The following NKAIN1 variants were observed in gnomAD, a reference collection of about 807,000 sequenced individuals.
NKAIN1 encodes the protein sodium/potassium transporting ATPase interacting 1, also known as sodium/potassium-transporting ATPase subunit beta-1-interacting protein 1.
NKAIN1 carries 13 observed loss-of-function variants against 31.6 expected under a neutral mutation model. The observed-to-expected ratio is 0.41, with a 90% CI of 0.27 to 0.65. The LOEUF (loss-of-function observed/expected upper bound fraction) is 0.65, where lower values mean the gene tolerates loss of function less well. Among genes scored for constraint, NKAIN1 ranks in the 30% least tolerant of loss-of-function variants. NKAIN1 has a pLI of 0.30. For missense variants in NKAIN1, 193 were observed against 262.2 expected (o/e 0.74, Z 1.82); for synonymous variants, 104 against 109.0 (o/e 0.95, Z 0.28).
chr1:31,196,310 G>A (rs1376649469), intron 1 of NKAIN1, among the ~76,000 whole-genome samples: 1 of 151,996 alleles, frequency 6.6e-6, no homozygotes, highest in Non-Finnish European at 1.5e-5. Flanking sequence ...TCAGGAGATC[G>A]AGACCATCCT....
At chr1:31,200,929 G>GTTCAAGCAA (rs1402574977) in intron 1 of NKAIN1, among the ~76,000 whole-genome samples, 1 of 151,622 alleles carries the variant, frequency 6.6e-6, no homozygotes, top group East Asian at 1.9e-4. Flanking sequence ...CGCCTCCCTG[G>GTTCAAGCAA]TTCAAGCAAT....
At chr1:31,237,552 T>A (rs1645701746) in intron 1 of NKAIN1, among the ~76,000 whole-genome samples, 1 of 150,170 alleles carries the variant, frequency 6.7e-6, no homozygotes, top group African/African-American at 2.5e-5. Context: ...CAGGCTGGAG[T>A]GCAGCGGCGT....
chr1:31,228,281 C>A (rs550187662), intron 1 of NKAIN1, among the ~76,000 whole-genome samples: 1 of 152,244 alleles, frequency 6.6e-6, no homozygotes, highest in South Asian at 2.1e-4. Context: ...GGAACCAATC[C>A]TTATCCTGAA....
rs1443150839 is a variant in NKAIN1 at position 31,182,551 on chromosome 1, A to T, written c.511T>A (p.Phe171Ile). 1.2e-6 allele frequency: 2 copies of T among 1,614,124 alleles called. No homozygotes were observed. Among genetic ancestry groups the T allele is most frequent in the Middle Eastern group, 3.3e-4 (2 of 6,062 alleles). ...TCACAGCTGTCCTCCTCCTCCAGGA[A>T]CACTTTGCTCACGTAGCAGGCGAAC... ...FVFACYVSKV[F>I]LEEEDSFDFI... is the part of the protein sequence containing the mutation. Residue 171 changes from phenylalanine (F) to isoleucine (I), a missense_variant, in exon 5 of 7, where the codon TTC becomes ATC. Transcript: ENST00000373736.
At chr1:31,229,621 C>CCAGACAGA (rs558574432) in intron 1 of NKAIN1, among the ~76,000 whole-genome samples, 2 of 151,994 alleles carry the variant, frequency 1.3e-5, no homozygotes, top group East Asian at 1.9e-4. Flanking sequence ...TCTCAGCTCA[C>CCAGACAGA]CAGACAGACA....
At position 31,231,380 on chromosome 1, in the gene NKAIN1, C is replaced by G. The variant is rs1350781268; in HGVS notation, c.54+8114G>C. Among the ~76,000 whole-genome samples, 4 of 143,900 alleles carry G rather than the reference C, an allele frequency of 2.8e-5. No individual in the cohort carries two copies. In the South Asian group the frequency reaches 8.8e-4, roughly 32 times the overall value. 94.4% of individuals were successfully genotyped at this position (143,900 alleles called of 152,430 possible). ...ATAGATGCAGGGTCTTGCCATGTTA[C>G]CCAGGCTGGTCTCCAACTCCTGAGC... On this transcript the variant is annotated intron_variant, in intron 1 of 6. Transcript: ENST00000373736.
At chr1:31,217,717 G>A (rs1391279983) in intron 1 of NKAIN1, among the ~76,000 whole-genome samples, 1 of 152,192 alleles carries the variant, frequency 6.6e-6, no homozygotes, top group Non-Finnish European at 1.5e-5. Flanking sequence ...CCTGCTTCCT[G>A]GAACAGCACA....
chr1:31,217,155 C>T (rs1040916071), intron 1 of NKAIN1, among the ~76,000 whole-genome samples: 6 of 152,004 alleles, frequency 3.9e-5, no homozygotes, highest in South Asian at 2.1e-4. Flanking sequence ...CATGAGCCAC[C>T]GTGCCGCGGC....
At chr1:31,203,355 C>G (rs113442039) in intron 1 of NKAIN1, among the ~76,000 whole-genome samples, 1 of 83,720 alleles carries the variant, frequency 1.2e-5, no homozygotes, top group African/African-American at 2.9e-5. Flanking sequence ...GACAGTGCCT[C>G]CACACGATTC....
At chr1:31,222,246 C>A (rs1645570577) in intron 1 of NKAIN1, among the ~76,000 whole-genome samples, 1 of 152,188 alleles carries the variant, frequency 6.6e-6, no homozygotes, top group Non-Finnish European at 1.5e-5. Flanking sequence ...CTGGTAAAAA[C>A]CCACATCTGA....
chr1:31,238,383 G>A (rs568367424), intron 1 of NKAIN1, among the ~76,000 whole-genome samples: 78 of 152,286 alleles, frequency 5.1e-4, no homozygotes, highest in African/African-American at 1.6e-3. Context: ...CAGGCTCCTC[G>A]CTGCCCACTC....
chr1:31,195,306 G>C (rs1645316822), intron 1 of NKAIN1, among the ~76,000 whole-genome samples: 1 of 151,530 alleles, frequency 6.6e-6, no homozygotes, highest in Non-Finnish European at 1.5e-5. Flanking sequence ...TTTTTTAGTG[G>C]AGACGGGGTT....
At chr1:31,201,773 TTTCC>T (rs2148355566) in intron 1 of NKAIN1, among the ~76,000 whole-genome samples, 1 of 152,308 alleles carries the variant, frequency 6.6e-6, no homozygotes, top group Non-Finnish European at 1.5e-5. Flanking sequence ...CCCTTGCTCT[TTTCC>T]ACCACTTCTT....
At chr1:31,191,910 G>A (rs756466253) in intron 1 of NKAIN1, among the ~76,000 whole-genome samples, 10 of 152,056 alleles carry the variant, frequency 6.6e-5, no homozygotes, top group Non-Finnish European at 1.3e-4. Context: ...TTAGTAGCTG[G>A]GACTACAGGC....
At chr1:31,235,010 C>T (rs12026718) in intron 1 of NKAIN1, among the ~76,000 whole-genome samples, 26,833 of 152,126 alleles carry the variant, frequency 0.18, 3,082 homozygotes, top group East Asian at 0.43. Context: ...AGGATGAAAG[C>T]AGTAAAAGAG....
chr1:31,183,815 A>C lies in NKAIN1; in HGVS notation c.471+2T>G, dbSNP rs758293114. 1 of 1,610,988 alleles carries C rather than the reference A, an allele frequency of 6.2e-7. No individual in the cohort carries two copies. Among genetic ancestry groups the C allele is most frequent in the East Asian group, 2.2e-5 (1 of 44,800 alleles). ...TGTAGGGTGGGGGACAGAAGGACTT[A>C]CTGCCAGGAAGATCTGCAGGGCGCT... On this transcript the variant is annotated splice_donor_variant, in intron 4 of 6. Coordinates refer to ENST00000373736, the MANE Select transcript of NKAIN1 (RefSeq NM_024522.3). LOFTEE classifies it high-confidence loss of function.
At chr1:31,222,717 A>G (rs1645573584) in intron 1 of NKAIN1, among the ~76,000 whole-genome samples, 1 of 152,180 alleles carries the variant, frequency 6.6e-6, no homozygotes, top group Non-Finnish European at 1.5e-5. Flanking sequence ...GGAGAGGGGA[A>G]AGGAAGAGAG....
intron 1 of NKAIN1, among the ~76,000 whole-genome samples, chr1:31,209,098 G>A (rs1316476464): frequency 6.6e-6 from 1 of 152,210 alleles, no homozygotes; most frequent in Non-Finnish European, 1.5e-5. Context: ...GCCCAGGGCT[G>A]GAGTGGTGGC....
chr1:31,223,021 G>A (rs1645575556), intron 1 of NKAIN1, among the ~76,000 whole-genome samples: 1 of 152,186 alleles, frequency 6.6e-6, no homozygotes, highest in African/African-American at 2.4e-5. Context: ...CCTGCTCTCA[G>A]GCGGCTACTC....
Sources: allele counts gnomAD v4.1 joint callset (sites outside exome capture counted in the v4.1 genomes callset), GRCh38; gene constraint gnomAD v4.1.1; transcripts MANE v1.5; gene names NCBI Gene and HGNC (gene_info 2026-07-23, HGNC 2026-07-21).